The following GLRA1 variants were observed in gnomAD, a reference collection of about 807,000 sequenced individuals.
The protein encoded by GLRA1 is glycine receptor subunit alpha-1.
A neutral mutation model predicts 48.3 loss-of-function variants in GLRA1; 37 were observed. That is an observed-to-expected ratio of 0.77 (90% CI 0.59 to 1.01). The LOEUF (loss-of-function observed/expected upper bound fraction) is 1.01, where lower values mean the gene tolerates loss of function less well. Among genes scored for constraint, GLRA1 ranks in the 50% least tolerant of loss-of-function variants. The pLI, the probability that GLRA1 is intolerant of heterozygous loss-of-function variation, is 0.00. For missense variants in GLRA1, 427 were observed against 571.0 expected, an observed-to-expected ratio of 0.75 and a Z score of 2.57; for synonymous variants, 196 against 210.7, an observed-to-expected ratio of 0.93 and a Z score of 0.60.
At chr5:151,879,147 C>T (rs1753698065) in intron 3 of GLRA1, among the ~76,000 whole-genome samples, 2 of 152,180 alleles carry the variant, frequency 1.3e-5, no homozygotes, top group African/African-American at 2.4e-5. Context: ...ATCAGTGTGA[C>T]CTGCATATGA....
chr5:151,856,756 A>C (rs917558971), intron 4 of GLRA1, among the ~76,000 whole-genome samples: 9 of 152,118 alleles, frequency 5.9e-5, no homozygotes, highest in Non-Finnish European at 1.2e-4. Context: ...TCCCAGGCTC[A>C]AGCAGTCCTC....
intron 6 of GLRA1, among the ~76,000 whole-genome samples, chr5:151,853,410 T>G (rs1752957525): frequency 8.2e-6 from 1 of 121,820 alleles, no homozygotes; most frequent in Admixed American, 7.9e-5. Flanking sequence ...CATGCCCAAC[T>G]AATTTTTTTT....
chr5:151,837,641 T>C (rs1030925449), intron 7 of GLRA1, among the ~76,000 whole-genome samples: 2 of 152,150 alleles, frequency 1.3e-5, no homozygotes, highest in Non-Finnish European at 2.9e-5. Context: ...ATAAAAAGGA[T>C]GAGTTCATGT....
Position 151,924,725 on chromosome 5 carries a change from T to C in GLRA1, c.-176A>G. ...GAAATTGGAGCGAGGGGGTCGTAGA[T>C]ACCACGGACAGCGGCGGCTGCGAGG... On this transcript the variant is annotated 5_prime_UTR_variant, in exon 1 of 9. Transcript: ENST00000274576. 1.5e-6 allele frequency: 1 copy of C among 673,898 alleles called. No individual in the cohort carries two copies. The highest frequency in any genetic ancestry group is 1.6e-5 in the South Asian group (1 of 62,232). 41.7% of individuals were successfully genotyped at this position (673,898 alleles called of 1,614,324 possible). A position where few individuals can be genotyped will look rare whatever the true frequency, so the allele number is the denominator to read the frequency against.
At chr5:151,823,529 G>A (rs1477247761) in intron 8 of GLRA1, among the ~76,000 whole-genome samples, 2 of 152,174 alleles carry the variant, frequency 1.3e-5, no homozygotes, top group African/African-American at 4.8e-5. Context: ...ATGGCTATGG[G>A]CCAGGATGGA....
At chr5:151,851,349 A>T in intron 7 of GLRA1, 41 bp downstream of exon 7, 1 of 1,332,672 alleles carries the variant, frequency 7.5e-7, no homozygotes, top group East Asian at 2.3e-5. Context: ...TGCTGTCCTT[A>T]TTTGTCCAGG....
chr5:151,847,584 C>T (rs575744542), intron 7 of GLRA1, among the ~76,000 whole-genome samples: 4 of 152,002 alleles, frequency 2.6e-5, no homozygotes, highest in Non-Finnish European at 5.9e-5. Flanking sequence ...CCAGGCATGA[C>T]GGCGCGTGCC....
At chr5:151,896,713 A>G (rs1320210417) in intron 1 of GLRA1, among the ~76,000 whole-genome samples, 1 of 152,232 alleles carries the variant, frequency 6.6e-6, no homozygotes, top group African/African-American at 2.4e-5. Context: ...CACCTCTATT[A>G]GTCACTTAAT....
intron 3 of GLRA1, among the ~76,000 whole-genome samples, chr5:151,883,703 A>G (rs1422307490): frequency 6.6e-6 from 1 of 152,206 alleles, no homozygotes; most frequent in Non-Finnish European, 1.5e-5. Flanking sequence ...TGCACTTTCC[A>G]TGCTTTATCT....
chr5:151,841,793 A>G (rs1763716976), intron 7 of GLRA1, among the ~76,000 whole-genome samples: 2 of 152,224 alleles, frequency 1.3e-5, no homozygotes, highest in South Asian at 4.1e-4. Flanking sequence ...ATGGTGGCTC[A>G]TGCCTGTAAT....
At position 151,918,305 on chromosome 5, in the gene GLRA1, G is replaced by T. The variant is rs1436343938; in HGVS notation, c.56+6189C>A. Among the ~76,000 whole-genome samples, 5 of 152,294 alleles carry T rather than the reference G, an allele frequency of 3.3e-5. No individual in the cohort carries two copies. The East Asian group carries it at 7.7e-4, about 24-fold the overall frequency. On this transcript the variant is annotated intron_variant, in intron 1 of 8. Transcript: ENST00000274576. ...GTGTGTTAGGCTTTACAGGGAGTTG[G>T]TTCAGGGAGACAGCTGGAGTTCAAG...
At chr5:151,845,695 A>G (rs183848695) in intron 7 of GLRA1, among the ~76,000 whole-genome samples, 3 of 152,380 alleles carry the variant, frequency 2.0e-5, no homozygotes, top group Non-Finnish European at 4.4e-5. Flanking sequence ...AACATGTGAC[A>G]CAACAGTTTC....
At chr5:151,840,348 C>T (rs138930652) in intron 7 of GLRA1, among the ~76,000 whole-genome samples, 96 of 152,236 alleles carry the variant, frequency 6.3e-4, no homozygotes, top group African/African-American at 2.1e-3. Context: ...ACCTACCTGC[C>T]TCAGCCTCCC....
chr5:151,915,738 A>C (rs1369388203), intron 1 of GLRA1, among the ~76,000 whole-genome samples: 2 of 144,016 alleles, frequency 1.4e-5, no homozygotes, highest in Non-Finnish European at 3.0e-5. Context: ...TATATATATG[A>C]ATAAAAAATT....
At chr5:151,905,714 A>G (rs896429033) in intron 1 of GLRA1, among the ~76,000 whole-genome samples, 2 of 152,144 alleles carry the variant, frequency 1.3e-5, no homozygotes, top group African/African-American at 2.4e-5. Context: ...GCAGTGTGCT[A>G]GGGGCAAGGG....
intron 3 of GLRA1, among the ~76,000 whole-genome samples, chr5:151,862,813 C>G (rs1462223073): frequency 6.6e-6 from 1 of 152,162 alleles, no homozygotes; most frequent in South Asian, 2.1e-4. Flanking sequence ...TTAGGAATAG[C>G]TGTTCTAGTC....
chr5:151,894,147 G>A (rs1019223441), intron 1 of GLRA1, among the ~76,000 whole-genome samples: 8 of 152,122 alleles, frequency 5.3e-5, no homozygotes, highest in African/African-American at 1.9e-4. Flanking sequence ...GTATGTGTGT[G>A]TGCGTGTGTG....
At chr5:151,881,610 A>G (rs1398848406) in intron 3 of GLRA1, among the ~76,000 whole-genome samples, 1 of 151,510 alleles carries the variant, frequency 6.6e-6, no homozygotes, top group African/African-American at 2.4e-5. Context: ...TGCTGGGATT[A>G]CAGGTATAAG....
intron 3 of GLRA1, among the ~76,000 whole-genome samples, chr5:151,877,657 G>A (rs1441555099): frequency 6.6e-6 from 1 of 152,162 alleles, no homozygotes; most frequent in Non-Finnish European, 1.5e-5. Context: ...AATCATGGGG[G>A]CGGGTCTTTC....
Sources: gnomAD v4.1 joint callset for allele counts (sites outside exome capture counted in the v4.1 genomes callset) on GRCh38, gnomAD v4.1.1 for gene constraint, MANE v1.5 for transcripts, NCBI Gene and HGNC (gene_info 2026-07-23, HGNC 2026-07-21) for gene names.